The following STK39 variants were observed in gnomAD, a reference collection of about 807,000 sequenced individuals.
STK39 encodes serine/threonine kinase 39.
Under a neutral mutation model 77.8 loss-of-function variants are expected in STK39, and 20 were observed. The observed-to-expected ratio is 0.26, with a 90% CI of 0.18 to 0.37. The LOEUF (loss-of-function observed/expected upper bound fraction) is 0.37, where lower values mean the gene tolerates loss of function less well. Ranked by LOEUF, STK39 falls within the 10% of genes least tolerant of loss-of-function variation. The probability of loss-of-function intolerance (pLI) is 1.00; values close to 1 mark genes in which losing one functional copy is unlikely to be tolerated. For synonymous variants in STK39, 246 were observed against 234.1 expected (o/e 1.05, Z -0.47); for missense variants, 479 against 656.5 (o/e 0.73, Z 2.95).
Position 168,247,544 on chromosome 2 carries a change from C to CCCGCCCCCG in STK39, c.-110_-109insCGGGGGCGG. ...TCTCGGCCGGCGCACGCCCTCCCCG[C>CCCGCCCCCG]CCGCCGCCGCCGCCGCCGTCCCCGC... On this transcript the variant is annotated 5_prime_UTR_variant, in exon 1 of 18. Coordinates refer to ENST00000355999, the MANE Select transcript of STK39 (RefSeq NM_013233.3). The CCCGCCCCCG allele has an allele frequency of 2.1e-6, 1 of 478,040 alleles. No individual in the cohort carries two copies. Among genetic ancestry groups the CCCGCCCCCG allele is most frequent in the Non-Finnish European group, 2.9e-6 (1 of 348,370 alleles). 29.6% of individuals were successfully genotyped at this position (478,040 alleles called of 1,614,324 possible).
At chr2:168,123,746 G>GT (rs1687467929) in intron 10 of STK39, among the ~76,000 whole-genome samples, 1 of 151,820 alleles carries the variant, frequency 6.6e-6, no homozygotes, top group South Asian at 2.1e-4. Flanking sequence ...GCGGGCACCT[G>GT]TAATCCCAGC....
intron 1 of STK39, among the ~76,000 whole-genome samples, chr2:168,194,477 T>C (rs1166799627): frequency 6.6e-6 from 1 of 152,128 alleles, no homozygotes; most frequent in East Asian, 1.9e-4. Flanking sequence ...CAACATTCCC[T>C]CTATCTCATA....
intron 4 of STK39, among the ~76,000 whole-genome samples, chr2:168,162,232 G>A (rs1375741839): frequency 7.1e-6 from 1 of 140,130 alleles, no homozygotes; most frequent in African/African-American, 2.6e-5. Flanking sequence ...GCTGCAGTGA[G>A]CCAACACCGT....
chr2:168,163,575 ACATT>A, intron 4 of STK39, 160 bp downstream of exon 4: 1 of 984,320 alleles, frequency 1.0e-6, no homozygotes, highest in Non-Finnish European at 1.2e-6. Flanking sequence ...TGTTTCCTTA[ACATT>A]CTTTACAAAC....
chr2:168,063,080 T>C (rs1355365774), intron 14 of STK39, among the ~76,000 whole-genome samples: 1 of 152,166 alleles, frequency 6.6e-6, no homozygotes, highest in Non-Finnish European at 1.5e-5. Context: ...AACTTGCCAA[T>C]GAAAAATGTT....
intron 10 of STK39, among the ~76,000 whole-genome samples, chr2:168,125,900 G>A (rs1287123701): frequency 1.3e-5 from 2 of 152,132 alleles, no homozygotes; most frequent in African/African-American, 4.8e-5. Flanking sequence ...ACGGGCCTCT[G>A]CTTCTCTCCT....
intron 16 of STK39, among the ~76,000 whole-genome samples, chr2:168,005,036 C>G (rs538465905): frequency 7.8e-6 from 1 of 128,890 alleles, no homozygotes; most frequent in Non-Finnish European, 1.6e-5. Flanking sequence ...GACAGAGTCT[C>G]GCTCTGTCGC....
chr2:168,165,957 C>T lies in STK39; in HGVS notation c.430+1342G>A, dbSNP rs1431345849. On this transcript the variant is annotated intron_variant, in intron 3 of 17. Coordinates refer to ENST00000355999, the MANE Select transcript of STK39 (RefSeq NM_013233.3). ...AAAGATACCCAGAGAATCAAGCCCT[C>T]GAAAGAGAACACACCAGAGATGTGG... 3.9e-5 allele frequency among the ~76,000 whole-genome samples: 6 copies of T among 152,140 alleles called. No individual in the cohort carries two copies. In the South Asian group the frequency reaches 6.2e-4, roughly 16 times the overall value.
intron 10 of STK39, among the ~76,000 whole-genome samples, chr2:168,094,885 AGT>A (rs927484873): frequency 6.6e-6 from 1 of 152,156 alleles, no homozygotes; most frequent in African/African-American, 2.4e-5. Context: ...GGCCCCCTCC[AGT>A]TCCCACCAGT....
intron 16 of STK39, among the ~76,000 whole-genome samples, chr2:168,004,307 TA>T (rs1363763608): frequency 6.6e-6 from 1 of 152,206 alleles, no homozygotes; most frequent in Non-Finnish European, 1.5e-5. Context: ...GGCACAGTTT[TA>T]AAACAGACTC....
intron 10 of STK39, among the ~76,000 whole-genome samples, chr2:168,122,462 T>C (rs1393588520): frequency 6.6e-6 from 1 of 152,102 alleles, no homozygotes; most frequent in Non-Finnish European, 1.5e-5. Context: ...TTGTTTGAGA[T>C]AGGGTCTTGC....
rs915029514 is a variant in STK39, at chr2:168,174,052, AG to A, written c.322-6646del. ...GTGATTTGGTATCTGAGTTTAACCAAGTATAGTCCAATGGAAGGCAGGTTTA... is the reference window on the plus strand; with the variant it reads ...GTGATTTGGTATCTGAGTTTAACCAATATAGTCCAATGGAAGGCAGGTTTA... On this transcript the variant is annotated intron_variant, in intron 2 of 17. Coordinates refer to ENST00000355999, the MANE Select transcript of STK39 (RefSeq NM_013233.3). Among the ~76,000 whole-genome samples, 279 of 152,340 alleles carry A rather than the reference AG, an allele frequency of 1.8e-3. 1 individual carries two copies. Among genetic ancestry groups the A allele is most frequent in the African/African-American group, 6.1e-3 (254 of 41,576 alleles).
At chr2:168,199,685 T>G (rs1402280855) in intron 1 of STK39, among the ~76,000 whole-genome samples, 1 of 152,146 alleles carries the variant, frequency 6.6e-6, no homozygotes, top group East Asian at 1.9e-4. Flanking sequence ...CAGATAATTT[T>G]TGTGTTTTTA....
intron 5 of STK39, among the ~76,000 whole-genome samples, chr2:168,144,342 C>T (rs895441384): frequency 3.3e-5 from 5 of 152,044 alleles, no homozygotes; most frequent in South Asian, 2.1e-4. Flanking sequence ...CTCGCTCTGT[C>T]GCCCAAGGTG....
chr2:167,962,907 C>T (rs1477857402), intron 17 of STK39, among the ~76,000 whole-genome samples: 7 of 152,122 alleles, frequency 4.6e-5, no homozygotes, highest in Middle Eastern at 3.4e-3. Context: ...CCAGCGAGCC[C>T]GAGGTTCCCG....
At chr2:168,218,130 T>C (rs1259708573) in intron 1 of STK39, among the ~76,000 whole-genome samples, 1 of 152,134 alleles carries the variant, frequency 6.6e-6, no homozygotes, top group Non-Finnish European at 1.5e-5. Context: ...GGAATTGTAA[T>C]GGAGAAAGAA....
chr2:168,060,568 T>C (rs1346195716), intron 14 of STK39, among the ~76,000 whole-genome samples: 1 of 152,210 alleles, frequency 6.6e-6, no homozygotes, highest in Non-Finnish European at 1.5e-5. Context: ...TTTTTTTTAA[T>C]GGCAACCTAA....
intron 12 of STK39, among the ~76,000 whole-genome samples, chr2:168,065,750 G>T (rs1685776118): frequency 6.6e-6 from 1 of 152,048 alleles, no homozygotes. Flanking sequence ...TTTTCTTATT[G>T]CATAATTTCA....
chr2:168,201,318 T>C (rs911490778), intron 1 of STK39, among the ~76,000 whole-genome samples: 3 of 152,232 alleles, frequency 2.0e-5, no homozygotes, highest in African/African-American at 4.8e-5. Flanking sequence ...GGCAGAAAGG[T>C]GTGGGTAGAG....
Sources: gnomAD v4.1 joint callset for allele counts (sites outside exome capture counted in the v4.1 genomes callset) on GRCh38, gnomAD v4.1.1 for gene constraint, MANE v1.5 for transcripts, NCBI Gene and HGNC (gene_info 2026-07-23, HGNC 2026-07-21) for gene names.